AGR2: variants seen among roughly 807,000 people sequenced by gnomAD.
AGR2 encodes anterior gradient protein 2 homolog.
In AGR2, 27 loss-of-function variants were observed where a neutral mutation model predicts 25.9. The ratio of observed to expected loss-of-function variants is 1.04; its 90% confidence interval spans 0.77 to 1.44. The LOEUF is 1.44. Among genes scored for constraint, AGR2 ranks in the 40% most tolerant of loss-of-function variants. The pLI, the probability that AGR2 is intolerant of heterozygous loss-of-function variation, is 0.00. For missense variants in AGR2, 182 were observed against 200.9 expected (o/e 0.91, Z 0.57); for synonymous variants, 78 against 72.0 (o/e 1.08, Z -0.42).
intron 6 of AGR2, among the ~76,000 whole-genome samples, chr7:16,795,321 T>G (rs1785026953): frequency 6.6e-6 from 1 of 151,290 alleles, no homozygotes; most frequent in South Asian, 2.1e-4. Flanking sequence ...ACATGGTGTT[T>G]TTTTTTTTTT....
At position 16,801,307 on chromosome 7, in the gene AGR2, T is replaced by C; in HGVS notation, c.203+13A>G. On this transcript the variant is annotated intron_variant, in intron 3 of 7. Coordinates refer to ENST00000419304, the MANE Select transcript of AGR2 (RefSeq NM_006408.4). ...AGAGCTTTGAGGGAGCTCTGAGTAATCCTGATCTTTACCTTGTCTTGGATT... is the reference window on the plus strand; with the variant it reads ...AGAGCTTTGAGGGAGCTCTGAGTAACCCTGATCTTTACCTTGTCTTGGATT... 4 of 1,613,558 alleles carry C rather than the reference T, an allele frequency of 2.5e-6. No individual in the cohort carries two copies. The highest frequency in any genetic ancestry group is 1.7e-5 in the Admixed American group (1 of 59,978).
intron 6 of AGR2, among the ~76,000 whole-genome samples, chr7:16,797,423 A>C (rs376132525): frequency 6.6e-6 from 1 of 152,216 alleles, no homozygotes; most frequent in African/African-American, 2.4e-5. Context: ...TTAGCATGTG[A>C]GAAAAGAAAG....
chr7:16,799,391 G>A (rs1198654748), intron 5 of AGR2, among the ~76,000 whole-genome samples: 1 of 152,180 alleles, frequency 6.6e-6, no homozygotes, highest in East Asian at 1.9e-4. Flanking sequence ...TGGAAAGCCA[G>A]AGAGCTGTCT....
intron 5 of AGR2, among the ~76,000 whole-genome samples, chr7:16,798,032 A>T (rs922926322): frequency 6.6e-6 from 1 of 152,232 alleles, no homozygotes; most frequent in Non-Finnish European, 1.5e-5. Context: ...AATTACGGAG[A>T]CAAGTACGGG....
At position 16,801,337 on chromosome 7, in the gene AGR2, T is replaced by A. The variant is rs751908131; in HGVS notation, c.186A>T (p.Leu62=). ...ATCTTTACCTTGTCTTGGATTTATA[T>A]AGAGCTTCTTCATATGTCTGAGTCC... ...LIWTQTYEEA[L]YKSKTSNKPL... The change falls in exon 3 of 8, where the codon CTA becomes CTT. Residue 62 remains leucine, a synonymous_variant. Transcript: ENST00000419304. The A allele has an allele frequency of 6.2e-7, 1 of 1,613,680 alleles. No homozygotes were observed. The highest frequency in any genetic ancestry group is 1.3e-5 in the African/African-American group (1 of 74,940).
At chr7:16,798,845 T>C (rs1363706405) in intron 5 of AGR2, among the ~76,000 whole-genome samples, 1 of 152,204 alleles carries the variant, frequency 6.6e-6, no homozygotes, top group African/African-American at 2.4e-5. Context: ...GAAGAGCTAT[T>C]GGAAAAGCGC....
chr7:16,796,337 A>G (rs545118024), intron 6 of AGR2, among the ~76,000 whole-genome samples: 1 of 152,370 alleles, frequency 6.6e-6, no homozygotes, highest in Admixed American at 6.5e-5. Context: ...ATTCCCTTTT[A>G]ATGTTAGGAT....
At chr7:16,801,614 C>A (rs1755766921) in intron 2 of AGR2, 44 bp downstream of exon 2, 1 of 1,612,508 alleles carries the variant, frequency 6.2e-7, no homozygotes, top group Admixed American at 1.7e-5. Context: ...GAAATCTTTT[C>A]CAATTAAGTA....
chr7:16,802,906 C>T (rs1785174902), intron 1 of AGR2, among the ~76,000 whole-genome samples: 1 of 152,174 alleles, frequency 6.6e-6, no homozygotes, highest in South Asian at 2.1e-4. Flanking sequence ...AATCGTGGCT[C>T]ACTGCAACCT....
rs778625347 is a variant in AGR2, at chr7:16,792,936, G to A, written c.500C>T (p.Ala167Val). ...TALLLDNMKK[A>V]LKLLKTEL Reference sequence around the variant, plus strand: ...CAATTCAGTCTTCAGCAACTTGAGAGCTTTCTTCATGTTGTCAAGCACTAA... The same window carrying A: ...CAATTCAGTCTTCAGCAACTTGAGAACTTTCTTCATGTTGTCAAGCACTAA... Residue 167 changes from alanine (A) to valine (V), a missense_variant, in exon 8 of 8, where the codon GCT becomes GTT. Transcript: ENST00000419304. The A allele has an allele frequency of 3.7e-6, 6 of 1,613,968 alleles. No homozygotes were observed. Among genetic ancestry groups the A allele is most frequent in the African/African-American group, 1.3e-5 (1 of 74,910 alleles).
intron 1 of AGR2, among the ~76,000 whole-genome samples, chr7:16,802,373 A>G (rs1785163809): frequency 6.6e-6 from 1 of 152,174 alleles, no homozygotes; most frequent in African/African-American, 2.4e-5. Flanking sequence ...CCCACAGATA[A>G]TGGGGGAACT....
At chr7:16,797,777 T>A in intron 5 of AGR2, 83 bp from the exon 6 acceptor site, 1 of 1,166,010 alleles carries the variant, frequency 8.6e-7, no homozygotes, top group Non-Finnish European at 1.2e-6. Flanking sequence ...ATCTGTCCAT[T>A]TCCGGCCAGG....
In AGR2 at chr7:16,801,316, T is replaced by C. The variant is rs1289063963; in HGVS notation, c.203+4A>G. 1 of 1,613,636 alleles carries C rather than the reference T, an allele frequency of 6.2e-7. No individual in the cohort carries two copies. ...AGGGAGCTCTGAGTAATCCTGATCT[T>C]TACCTTGTCTTGGATTTATATAGAG... On this transcript the variant is annotated splice_donor_region_variant and intron_variant, in intron 3 of 7. Coordinates refer to ENST00000419304, the MANE Select transcript of AGR2 (RefSeq NM_006408.4).
In AGR2 at chr7:16,792,917, A is replaced by G; in HGVS notation, c.519T>C (p.Thr173=). Residue 173 remains threonine, a synonymous_variant, in exon 8 of 8, where the codon ACT becomes ACC. Transcript: ENST00000419304. The part of the protein sequence containing the change: ...NMKKALKLLK[T]EL ...TGGAGATTTTTTTTCTTTACAATTCAGTCTTCAGCAACTTGAGAGCTTTCT... is the reference window on the plus strand; with the variant it reads ...TGGAGATTTTTTTTCTTTACAATTCGGTCTTCAGCAACTTGAGAGCTTTCT... 6.2e-7 allele frequency: 1 copy of G among 1,614,026 alleles called. No homozygotes were observed. Among genetic ancestry groups the G allele is most frequent in the Middle Eastern group, 1.6e-4 (1 of 6,062 alleles).
rs181485821 is a variant in AGR2, at chr7:16,798,211, T to C, written c.331-517A>G. Among the ~76,000 whole-genome samples the C allele has an allele frequency of 7.9e-5, 12 of 152,334 alleles. No individual in the cohort carries two copies. The East Asian group carries it at 2.3e-3, about 29-fold the overall frequency. The stretch of plus-strand genomic sequence containing the variant: ...TGTTACGGTGTAGGATATGCAGGTT[T>C]GGTGATTGCCTTGAGCAAGACATTT... On this transcript the variant is annotated intron_variant, in intron 5 of 7. Transcript: ENST00000419304.
rs541219367 is a variant in AGR2, at chr7:16,792,906, C to T, written c.*2G>A. The T allele has an allele frequency of 6.2e-7, 1 of 1,613,534 alleles. No individual in the cohort carries two copies. Among genetic ancestry groups the T allele is most frequent in the South Asian group, 1.1e-5 (1 of 91,066 alleles). On this transcript the variant is annotated 3_prime_UTR_variant, in exon 8 of 8. Coordinates refer to ENST00000419304, the MANE Select transcript of AGR2 (RefSeq NM_006408.4). ...ACAGAAGGGCTTGGAGATTTTTTTT[C>T]TTTACAATTCAGTCTTCAGCAACTT...
At chr7:16,804,223 T>A (rs1785196567) in intron 1 of AGR2, among the ~76,000 whole-genome samples, 1 of 151,516 alleles carries the variant, frequency 6.6e-6, no homozygotes, top group Admixed American at 6.6e-5. Flanking sequence ...AAAACACAAT[T>A]CCATGGAAAA....
intron 7 of AGR2, among the ~76,000 whole-genome samples, chr7:16,794,151 T>A (rs943506911): frequency 6.6e-6 from 1 of 152,228 alleles, no homozygotes; most frequent in African/African-American, 2.4e-5. Context: ...CACTGGCCAA[T>A]AGAAATTTCT....
Position 16,792,666 on chromosome 7 carries a change from CATTT to C in AGR2, c.*238_*241del, listed in dbSNP as rs1784982445. ...TGGAGAAAACAGAACACCCCCAAAA[CATTT>C]ATTTTTTTTTTTAGAAAATCATGGC... On this transcript the variant is annotated 3_prime_UTR_variant, in exon 8 of 8. Transcript: ENST00000419304. 4.2e-6 allele frequency: 2 copies of C among 473,942 alleles called. No individual in the cohort carries two copies. Among genetic ancestry groups the C allele is most frequent in the Non-Finnish European group, 7.5e-6 (2 of 268,176 alleles). 29.4% of individuals were successfully genotyped at this position (473,942 alleles called of 1,614,324 possible).
Sources: allele counts gnomAD v4.1 joint callset (sites outside exome capture counted in the v4.1 genomes callset), GRCh38; gene constraint gnomAD v4.1.1; transcripts MANE v1.5; gene names NCBI Gene and HGNC (gene_info 2026-07-23, HGNC 2026-07-21).